The following LRRC8D variants were observed in gnomAD, a reference collection of about 807,000 sequenced individuals.
LRRC8D encodes the protein volume-regulated anion channel subunit LRRC8D.
A neutral mutation model predicts 55.8 loss-of-function variants in LRRC8D; 20 were observed. The observed-to-expected ratio is 0.36, with a 90% CI of 0.25 to 0.52. The LOEUF (loss-of-function observed/expected upper bound fraction) is 0.52. LRRC8D is among the 20% of genes least tolerant of loss of function. The probability of loss-of-function intolerance (pLI) is 0.93; values close to 1 mark genes in which losing one functional copy is unlikely to be tolerated. For missense variants in LRRC8D, 651 were observed against 1,030.8 expected (o/e 0.63, Z 5.05); for synonymous variants, 352 against 377.0 (o/e 0.93, Z 0.77).
At chr1:89,884,845 C>T (rs1021165459) in intron 2 of LRRC8D, among the ~76,000 whole-genome samples, 1 of 152,182 alleles carries the variant, frequency 6.6e-6, no homozygotes. Flanking sequence ...GGAACCTTTC[C>T]TTGCCTTTGT....
intron 1 of LRRC8D, chr1:89,821,924 A>T (rs2100680708): frequency 6.6e-6 from 1 of 152,130 alleles, no homozygotes; most frequent in African/African-American, 2.4e-5. Flanking sequence ...TACCGGTATA[A>T]TCCGCTTCTA....
chr1:89,860,082 A>G (rs1396239364), intron 2 of LRRC8D, among the ~76,000 whole-genome samples: 1 of 152,202 alleles, frequency 6.6e-6, no homozygotes, highest in Non-Finnish European at 1.5e-5. Flanking sequence ...AAAGCCAGAT[A>G]GTTTGTTTGA....
At chr1:89,922,067 T>C (rs1321131420) in intron 2 of LRRC8D, among the ~76,000 whole-genome samples, 1 of 149,526 alleles carries the variant, frequency 6.7e-6, no homozygotes, top group Admixed American at 6.7e-5. Flanking sequence ...CTTCATATAA[T>C]TTTTTTTTTG....
intron 2 of LRRC8D, among the ~76,000 whole-genome samples, chr1:89,900,485 G>A (rs1399746488): frequency 6.7e-6 from 1 of 150,350 alleles, no homozygotes; most frequent in Non-Finnish European, 1.5e-5. Context: ...AAGTGAAGCA[G>A]AATGCAGTTG....
chr1:89,924,987 G>A (rs1186429641), intron 2 of LRRC8D, among the ~76,000 whole-genome samples: 1 of 152,122 alleles, frequency 6.6e-6, no homozygotes, highest in East Asian at 1.9e-4. Context: ...CCTTGATTGG[G>A]GGTCCCCAAC....
chr1:89,912,361 T>A (rs1346878922), intron 2 of LRRC8D, among the ~76,000 whole-genome samples: 1 of 152,162 alleles, frequency 6.6e-6, no homozygotes, highest in Non-Finnish European at 1.5e-5. Context: ...CCCTGAGTTG[T>A]ACCCTGGAAA....
chr1:89,871,526 A>C (rs1570842231), intron 2 of LRRC8D, among the ~76,000 whole-genome samples: 1 of 152,216 alleles, frequency 6.6e-6, no homozygotes, highest in Admixed American at 6.5e-5. Flanking sequence ...TATGAAGTTT[A>C]TGATTCTTAA....
chr1:89,875,079 A>C (rs1301101257), intron 2 of LRRC8D, among the ~76,000 whole-genome samples: 3 of 152,208 alleles, frequency 2.0e-5, no homozygotes, highest in Non-Finnish European at 4.4e-5. Context: ...CTCAAGAATA[A>C]TATGAGGATA....
chr1:89,917,479 T>C (rs1422688871), intron 2 of LRRC8D, among the ~76,000 whole-genome samples: 1 of 152,194 alleles, frequency 6.6e-6, no homozygotes, highest in African/African-American at 2.4e-5. Flanking sequence ...CATCTCACAC[T>C]GCATGTTCCT....
intron 1 of LRRC8D, among the ~76,000 whole-genome samples, chr1:89,835,211 G>GT (rs1287322581): frequency 6.6e-6 from 1 of 152,198 alleles, no homozygotes; most frequent in African/African-American, 2.4e-5. Context: ...TCTGCAGGTG[G>GT]TTCTGAGGGC....
At chr1:89,895,933 C>G (rs895799183) in intron 2 of LRRC8D, among the ~76,000 whole-genome samples, 1 of 152,188 alleles carries the variant, frequency 6.6e-6, no homozygotes, top group African/African-American at 2.4e-5. Flanking sequence ...AAAGGTATGA[C>G]AGCACATGTT....
intron 2 of LRRC8D, among the ~76,000 whole-genome samples, chr1:89,908,940 A>G (rs1663061549): frequency 6.6e-6 from 1 of 152,154 alleles, no homozygotes; most frequent in South Asian, 2.1e-4. Context: ...AACCAGTGGA[A>G]AATACCCTCA....
At chr1:89,878,578 A>G (rs78251847) in intron 2 of LRRC8D, among the ~76,000 whole-genome samples, 1,721 of 152,348 alleles carry the variant, frequency 0.011, 37 homozygotes, top group African/African-American at 0.04. Context: ...AGAAGGAATG[A>G]GAACATGGTC....
At chr1:89,872,125 ATGCAAGTTCTT>A (rs1202066156) in intron 2 of LRRC8D, among the ~76,000 whole-genome samples, 1 of 152,206 alleles carries the variant, frequency 6.6e-6, no homozygotes, top group East Asian at 1.9e-4. Flanking sequence ...TGCAACGTAA[ATGCAAGTTCTT>A]TTGGGACAAG....
chr1:89,890,201 A>G (rs1662542064), intron 2 of LRRC8D, among the ~76,000 whole-genome samples: 1 of 152,198 alleles, frequency 6.6e-6, no homozygotes, highest in East Asian at 1.9e-4. Context: ...AAATAAATAA[A>G]TAAAATAAAA....
rs1197403227 is a variant in LRRC8D, at chr1:89,936,376, A to C, written c.*731A>C. ...TATGGTACATTTTTCTACCAGTAAT[A>C]TAGGGTTGCCAATAAATAGAAAATG... On this transcript the variant is annotated 3_prime_UTR_variant, in exon 3 of 3. Coordinates refer to ENST00000337338, the MANE Select transcript of LRRC8D (RefSeq NM_001134479.2). 6.0e-6 allele frequency: 1 copy of C among 166,844 alleles called. No individual in the cohort carries two copies. The highest frequency in any genetic ancestry group is 2.4e-5 in the African/African-American group (1 of 41,476). The allele number at this position is 166,844 out of a possible 1,614,324, so 10.3% of individuals were successfully genotyped here.
At chr1:89,901,959 C>A (rs902302514) in intron 2 of LRRC8D, among the ~76,000 whole-genome samples, 1 of 152,218 alleles carries the variant, frequency 6.6e-6, no homozygotes, top group Non-Finnish European at 1.5e-5. Flanking sequence ...TTGCTCTACC[C>A]TTTTCTCTGT....
rs1028983562 is a variant in LRRC8D, at chr1:89,911,370, C to T, written c.-2-21697C>T. 3.3e-5 allele frequency among the ~76,000 whole-genome samples: 5 copies of T among 152,110 alleles called. No individual in the cohort carries two copies. Among genetic ancestry groups the T allele is most frequent in the African/African-American group, 1.2e-4 (5 of 41,416 alleles). On this transcript the variant is annotated intron_variant, in intron 2 of 2. Coordinates refer to ENST00000337338, the MANE Select transcript of LRRC8D (RefSeq NM_001134479.2). The surrounding 1 kb of genome is among the most constrained non-coding windows in gnomAD (Gnocchi z 4.0). ...TGTCCAAACTCTGTTTAAGAATTTC[C>T]ATGGGATTCTGAATTCCTTAATCTC...
intron 2 of LRRC8D, among the ~76,000 whole-genome samples, chr1:89,915,557 A>T (rs1388659825): frequency 6.6e-6 from 1 of 152,230 alleles, no homozygotes; most frequent in African/African-American, 2.4e-5. Context: ...TTCCCAGTGG[A>T]TGTGCCAGGA....
Sources: allele counts gnomAD v4.1 joint callset (sites outside exome capture counted in the v4.1 genomes callset), GRCh38; gene constraint gnomAD v4.1.1; non-coding constraint Gnocchi (gnomAD v3.1); transcripts MANE v1.5; gene names NCBI Gene and HGNC (gene_info 2026-07-23, HGNC 2026-07-21).